Variants in MAP2 observed in about 807,000 individuals in gnomAD.
The protein encoded by MAP2 is microtubule associated protein 2, also known as microtubule-associated protein 2.
In MAP2, 14 loss-of-function variants were observed where a neutral mutation model predicts 137.6. That is an observed-to-expected ratio of 0.10 (90% CI 0.07 to 0.16). The LOEUF is 0.16. MAP2 is among the 10% of genes least tolerant of loss of function. The pLI is 1.00. For missense variants in MAP2, 2,088 were observed against 2,191.5 expected, an observed-to-expected ratio of 0.95 and a Z score of 0.94; for synonymous variants, 786 against 782.3, an observed-to-expected ratio of 1.00 and a Z score of -0.08.
intron 4 of MAP2, among the ~76,000 whole-genome samples, chr2:209,640,165 C>T (rs2093903437): frequency 6.6e-6 from 1 of 152,026 alleles, no homozygotes; most frequent in Non-Finnish European, 1.5e-5. Flanking sequence ...CCTAGTGTGG[C>T]AAGAGATGTT....
chr2:209,675,952 TGTA>T (rs1470860368), intron 5 of MAP2, among the ~76,000 whole-genome samples: 1 of 151,908 alleles, frequency 6.6e-6, no homozygotes, highest in Non-Finnish European at 1.5e-5. Context: ...GGTTACTAAA[TGTA>T]GTAACAAGCA....
At chr2:209,485,422 G>A (rs1443271681) in intron 1 of MAP2, among the ~76,000 whole-genome samples, 1 of 151,880 alleles carries the variant, frequency 6.6e-6, no homozygotes, top group Non-Finnish European at 1.5e-5. Context: ...TAAAATACAT[G>A]TTATTATTGA....
intron 7 of MAP2, among the ~76,000 whole-genome samples, chr2:209,682,909 A>G (rs992816045): frequency 8.5e-5 from 13 of 152,094 alleles, no homozygotes; most frequent in African/African-American, 3.1e-4. Context: ...GCCATGGAAA[A>G]TGTTTCTAAG....
chr2:209,436,008 G>GTATATATTATATATAATATATACAT (rs1696092087), intron 1 of MAP2, among the ~76,000 whole-genome samples: 1 of 65,150 alleles, frequency 1.5e-5, no homozygotes, highest in African/African-American at 2.8e-4. Context: ...TATATATACA[G>GTATATATTATATATAATATATACAT]TATATATTAT....
chr2:209,687,513 AT>A (rs1227457588), intron 7 of MAP2, among the ~76,000 whole-genome samples: 14 of 152,080 alleles, frequency 9.2e-5, no homozygotes, highest in South Asian at 6.3e-4. Context: ...TGCTTAAGGG[AT>A]AGGTGGAATT....
chr2:209,550,263 G>C (rs766301785), intron 2 of MAP2, among the ~76,000 whole-genome samples: 1 of 151,894 alleles, frequency 6.6e-6, no homozygotes. Context: ...ACATTGAAGC[G>C]GTTCACAACA....
At chr2:209,719,439 C>T (rs2069203536) in intron 13 of MAP2, among the ~76,000 whole-genome samples, 1 of 152,162 alleles carries the variant, frequency 6.6e-6, no homozygotes, top group South Asian at 2.1e-4. Flanking sequence ...ATGAATGCCT[C>T]CAACTTACAA....
chr2:209,720,620 C>T (rs1584551436), intron 13 of MAP2, among the ~76,000 whole-genome samples: 1 of 110,302 alleles, frequency 9.1e-6, no homozygotes. Flanking sequence ...GCCTGGGTGA[C>T]AGAGCGATAC....
At chr2:209,576,146 G>A (rs1436414205) in intron 2 of MAP2, among the ~76,000 whole-genome samples, 2 of 152,158 alleles carry the variant, frequency 1.3e-5, no homozygotes, top group African/African-American at 2.4e-5. Context: ...TAAAGATCAG[G>A]CATCTACAAT....
chr2:209,723,699 C>A, intron 13 of MAP2: 1 of 1,603,880 alleles, frequency 6.2e-7, no homozygotes, highest in Non-Finnish European at 8.5e-7. Flanking sequence ...TAAGTAGAAG[C>A]GCCTTTTAGA....
intron 5 of MAP2, among the ~76,000 whole-genome samples, chr2:209,671,969 C>A (rs2049025507): frequency 1.4e-5 from 2 of 140,390 alleles, no homozygotes; most frequent in African/African-American, 6.2e-5. Flanking sequence ...AGTTTCATCT[C>A]CATTGGTTAT....
At chr2:209,445,047 A>G (rs936503828) in intron 1 of MAP2, among the ~76,000 whole-genome samples, 1 of 151,542 alleles carries the variant, frequency 6.6e-6, no homozygotes, top group Non-Finnish European at 1.5e-5. Flanking sequence ...AGGACTATTT[A>G]GTTGTAATTC....
rs553475502 is a variant in MAP2, at chr2:209,514,558, G to A, written c.-172+6917G>A. 3.3e-5 allele frequency among the ~76,000 whole-genome samples: 5 copies of A among 152,078 alleles called. No individual in the cohort carries two copies. In the East Asian group the frequency reaches 9.7e-4, roughly 29 times the overall value. ...GAATCCCATTCCAAAGAATAACACAGCTGATCTCTTTGCAGCCCATTTATG... is the reference window on the plus strand; with the variant it reads ...GAATCCCATTCCAAAGAATAACACAACTGATCTCTTTGCAGCCCATTTATG... On this transcript the variant is annotated intron_variant, in intron 2 of 15. Transcript: ENST00000682079.
chr2:209,497,314 T>C (rs2059867723), intron 1 of MAP2, among the ~76,000 whole-genome samples: 1 of 152,214 alleles, frequency 6.6e-6, no homozygotes, highest in East Asian at 1.9e-4. Context: ...TCTTCATGTC[T>C]TTCTTTCTCC....
At chr2:209,532,862 C>T (rs2065336991) in intron 2 of MAP2, among the ~76,000 whole-genome samples, 1 of 152,150 alleles carries the variant, frequency 6.6e-6, no homozygotes, top group African/African-American at 2.4e-5. Flanking sequence ...CCAGTGAACT[C>T]AGTGGTGATT....
chr2:209,681,626 G>T lies in MAP2; in HGVS notation c.454+799G>T, dbSNP rs1053083139. On this transcript the variant is annotated intron_variant, in intron 7 of 15. Transcript: ENST00000682079. ...TTTGAGAGTCACAGGAAAAGGCAGA[G>T]AAGAACTAGGGCTCCATTGTTGTTT... 3.9e-5 allele frequency among the ~76,000 whole-genome samples: 6 copies of T among 152,158 alleles called. 1 individual carries two copies. Among genetic ancestry groups the T allele is most frequent in the African/African-American group, 1.4e-4 (6 of 41,438 alleles).
At chr2:209,665,750 T>C (rs926878646) in intron 5 of MAP2, among the ~76,000 whole-genome samples, 1 of 152,210 alleles carries the variant, frequency 6.6e-6, no homozygotes, top group Non-Finnish European at 1.5e-5. Flanking sequence ...TAGGAATTTA[T>C]ACATTAACTT....
At chr2:209,494,501 C>G (rs2059513464) in intron 1 of MAP2, among the ~76,000 whole-genome samples, 1 of 151,466 alleles carries the variant, frequency 6.6e-6, no homozygotes, top group African/African-American at 2.4e-5. Context: ...TTTGGTCATC[C>G]TCACTGCTAT....
intron 2 of MAP2, among the ~76,000 whole-genome samples, chr2:209,544,526 G>A (rs2067663246): frequency 6.6e-6 from 1 of 152,068 alleles, no homozygotes; most frequent in African/African-American, 2.4e-5. Context: ...CATAGCTCTC[G>A]TAACTTTCCA....
Sources: allele counts gnomAD v4.1 joint callset (sites outside exome capture counted in the v4.1 genomes callset), GRCh38; gene constraint gnomAD v4.1.1; transcripts MANE v1.5; gene names NCBI Gene and HGNC (gene_info 2026-07-23, HGNC 2026-07-21).